PCDH11X: variants seen among roughly 807,000 people sequenced by gnomAD.
PCDH11X encodes the protein protocadherin 11 X-linked.
A neutral mutation model predicts 53.3 loss-of-function variants in PCDH11X; 18 were observed. The observed-to-expected ratio is 0.34, with a 90% CI of 0.23 to 0.50. PCDH11X has a LOEUF of 0.50. Ranked by LOEUF, PCDH11X falls within the 20% of genes least tolerant of loss-of-function variation. The pLI is 0.98. For synonymous variants in PCDH11X, 279 were observed against 393.3 expected (o/e 0.71, Z 3.44); for missense variants, 570 against 1,032.4 (o/e 0.55, Z 6.14).
intron 9 of PCDH11X, among the ~76,000 whole-genome samples, chrX:92,444,071 G>T (rs1327194145): frequency 9.0e-6 from 1 of 111,188 alleles, no homozygotes; most frequent in Non-Finnish European, 1.9e-5. Flanking sequence ...TGTAAAAAAT[G>T]ATGTTGGTAC....
intron 10 of PCDH11X, among the ~76,000 whole-genome samples, chrX:92,529,375 T>G (rs1345380341): frequency 9.2e-6 from 1 of 108,498 alleles, no homozygotes; most frequent in East Asian, 2.9e-4. Context: ...AATCTGTATG[T>G]ATTATTTAGT....
intron 6 of PCDH11X, among the ~76,000 whole-genome samples, chrX:92,032,596 C>T (rs1459902731): frequency 9.0e-6 from 1 of 110,918 alleles, no homozygotes; most frequent in East Asian, 2.9e-4. Context: ...TTTTCCCATT[C>T]AGTATGATAC....
chrX:92,512,686 G>C lies in PCDH11X; in HGVS notation c.3367+44364G>C, dbSNP rs190689427. 8.2e-3 allele frequency among the ~76,000 whole-genome samples: 921 copies of C among 112,119 alleles called. 9 individuals carry two copies. Among genetic ancestry groups the C allele is most frequent in the African/African-American group, 0.028 (880 of 30,954 alleles). On this transcript the variant is annotated intron_variant, in intron 10 of 10. Coordinates refer to ENST00000682573, the MANE Select transcript of PCDH11X (RefSeq NM_032968.5). ...TGTACAGAGGGCTCGAGCACAATGG[G>C]AAGAGTAATTTTTTAAGTGAATTTA...
intron 6 of PCDH11X, among the ~76,000 whole-genome samples, chrX:92,016,573 A>G (rs1438382239): frequency 4.6e-5 from 4 of 86,990 alleles, no homozygotes; most frequent in African/African-American, 1.7e-4. Flanking sequence ...CTCATGACCA[A>G]CCTCTGCTAA....
chrX:92,418,897 T>G (rs1349121309), intron 9 of PCDH11X, among the ~76,000 whole-genome samples: 13 of 106,684 alleles, frequency 1.2e-4, no homozygotes, highest in African/African-American at 4.4e-4. Context: ...TAATGTTCCC[T>G]CTAACCAGTG....
chrX:91,981,912 TA>T (rs756883432), intron 6 of PCDH11X, among the ~76,000 whole-genome samples: 1,853 of 105,400 alleles, frequency 0.018, 36 homozygotes, highest in African/African-American at 0.06. Flanking sequence ...ATTAGACTGC[TA>T]AAAAACAAAT....
intron 6 of PCDH11X, among the ~76,000 whole-genome samples, chrX:92,002,506 A>T (rs1402437359): frequency 9.4e-6 from 1 of 106,394 alleles, no homozygotes. Context: ...ACATTTTAAC[A>T]ACATTCATTC....
chrX:92,041,295 C>A (rs1353757869), intron 6 of PCDH11X, among the ~76,000 whole-genome samples: 4 of 108,192 alleles, frequency 3.7e-5, no homozygotes, highest in Non-Finnish European at 7.6e-5. Flanking sequence ...TACTTGACTA[C>A]AAATTATAAA....
At chrX:92,106,944 T>C (rs1440092236) in intron 6 of PCDH11X, among the ~76,000 whole-genome samples, 2 of 111,583 alleles carry the variant, frequency 1.8e-5, no homozygotes, top group Admixed American at 1.9e-4. Context: ...TTAAATCTGA[T>C]AAGAAACATT....
rs1429421763 is a variant in PCDH11X, at chrX:92,620,425, C to A, written c.*1485C>A. The A allele has an allele frequency of 5.3e-5, 5 of 93,927 alleles. No individual in the cohort carries two copies. The highest frequency in any genetic ancestry group is 8.4e-5 in the African/African-American group (2 of 23,736). The allele number at this position is 93,927 out of a possible 1,213,427, so 7.7% of individuals were successfully genotyped here. ...TTCCATAGCAAAACTGAGAAAATACCTTGTTTCAGTATAACACTAAACCAA... is the reference window on the plus strand; with the variant it reads ...TTCCATAGCAAAACTGAGAAAATACATTGTTTCAGTATAACACTAAACCAA... On this transcript the variant is annotated 3_prime_UTR_variant, in exon 11 of 11. Coordinates refer to ENST00000682573, the MANE Select transcript of PCDH11X (RefSeq NM_032968.5).
chrX:92,379,979 C>CA (rs1354051624), intron 8 of PCDH11X, among the ~76,000 whole-genome samples: 1 of 101,160 alleles, frequency 9.9e-6, no homozygotes, highest in African/African-American at 3.6e-5. Context: ...AACACCACCC[C>CA]CCCCACCCCA....
chrX:92,412,884 A>G (rs2071721657), intron 9 of PCDH11X, among the ~76,000 whole-genome samples: 1 of 110,099 alleles, frequency 9.1e-6, no homozygotes, highest in Admixed American at 9.8e-5. Context: ...TCGTATGTAC[A>G]TGATCATATG....
intron 9 of PCDH11X, among the ~76,000 whole-genome samples, chrX:92,419,584 T>A (rs1250550287): frequency 9.2e-6 from 1 of 108,435 alleles, no homozygotes; most frequent in Non-Finnish European, 1.9e-5. Context: ...TATTTATTGA[T>A]GTTATTGGAT....
intron 9 of PCDH11X, among the ~76,000 whole-genome samples, chrX:92,434,515 T>C (rs1398441149): frequency 9.0e-6 from 1 of 110,586 alleles, no homozygotes; most frequent in Non-Finnish European, 1.9e-5. Context: ...CCTTAAGTAA[T>C]GACGTAGAGC....
chrX:91,957,266 C>T (rs1441903025), intron 6 of PCDH11X, among the ~76,000 whole-genome samples: 8 of 110,016 alleles, frequency 7.3e-5, no homozygotes, highest in Admixed American at 2.9e-4. Flanking sequence ...TCAATTCAGC[C>T]GTCTCAGCTT....
chrX:92,195,529 A>T (rs73526506), intron 6 of PCDH11X, among the ~76,000 whole-genome samples: 1,616 of 111,495 alleles, frequency 0.014, 27 homozygotes, highest in African/African-American at 0.05. Flanking sequence ...CTGACAAACC[A>T]CTTCAGAGGG....
chrX:92,173,097 A>G (rs2065848910), intron 6 of PCDH11X, among the ~76,000 whole-genome samples: 1 of 112,050 alleles, frequency 8.9e-6, no homozygotes, highest in Non-Finnish European at 1.9e-5. Flanking sequence ...TTGTCACTGA[A>G]AAACTGCTTT....
At chrX:92,103,653 C>T (rs1300736946) in intron 6 of PCDH11X, among the ~76,000 whole-genome samples, 1 of 112,002 alleles carries the variant, frequency 8.9e-6, no homozygotes, top group Non-Finnish European at 1.9e-5. Flanking sequence ...GAATCCTGGG[C>T]TGCGGGCGTT....
At chrX:92,060,995 T>A (rs990793378) in intron 6 of PCDH11X, among the ~76,000 whole-genome samples, 1 of 112,265 alleles carries the variant, frequency 8.9e-6, no homozygotes, top group East Asian at 2.8e-4. Flanking sequence ...GCATTTATTA[T>A]TTTTTGACTT....
Sources: gnomAD v4.1 joint callset for allele counts (sites outside exome capture counted in the v4.1 genomes callset) on GRCh38, gnomAD v4.1.1 for gene constraint, MANE v1.5 for transcripts, NCBI Gene and HGNC (gene_info 2026-07-23, HGNC 2026-07-21) for gene names.